TMEM163: variants seen among roughly 807,000 people sequenced by gnomAD.
The protein encoded by TMEM163 is transmembrane protein 163.
TMEM163 carries 17 observed loss-of-function variants against 29.3 expected under a neutral mutation model. The observed-to-expected ratio is 0.58, with a 90% CI of 0.40 to 0.87. The LOEUF is 0.87. Ranked by LOEUF, TMEM163 falls within the 40% of genes least tolerant of loss-of-function variation. The pLI, the probability that TMEM163 is intolerant of heterozygous loss-of-function variation, is 0.00. For missense variants in TMEM163, 303 were observed against 381.5 expected (o/e 0.79, Z 1.71); for synonymous variants, 157 against 160.6 (o/e 0.98, Z 0.17).
chr2:134,718,657 C>A (rs1241100262), intron 1 of TMEM163, 77 bp downstream of exon 1: 1 of 1,057,196 alleles, frequency 9.5e-7, no homozygotes, highest in Non-Finnish European at 1.2e-6. Context: ...CCTCGCCCAG[C>A]GCGGCCCGCG....
chr2:134,457,344 A>G (rs1022320831), intron 7 of TMEM163, among the ~76,000 whole-genome samples: 3 of 152,204 alleles, frequency 2.0e-5, no homozygotes, highest in African/African-American at 7.2e-5. Flanking sequence ...CTCTGCGTCC[A>G]TGGCAGCACC....
chr2:134,597,946 G>A lies in TMEM163; in HGVS notation c.323-45855C>T, dbSNP rs1682126833. Among the ~76,000 whole-genome samples the A allele has an allele frequency of 2.0e-5, 3 of 152,014 alleles. No homozygotes were observed. The South Asian group carries it at 6.3e-4, about 32-fold the overall frequency. On this transcript the variant is annotated intron_variant, in intron 2 of 7. Coordinates refer to ENST00000281924, the MANE Select transcript of TMEM163 (RefSeq NM_030923.5). Reference sequence around the variant, plus strand: ...TCTGATGGTAGTCTGTATTTCTGTGGGATCGGTGGTGATATCCCCTTTATC... The same window carrying A: ...TCTGATGGTAGTCTGTATTTCTGTGAGATCGGTGGTGATATCCCCTTTATC...
At chr2:134,604,286 C>T (rs572153149) in intron 2 of TMEM163, among the ~76,000 whole-genome samples, 18 of 152,022 alleles carry the variant, frequency 1.2e-4, no homozygotes, top group African/African-American at 3.9e-4. Context: ...GTGAGGGGGA[C>T]GGACTAAATT....
At chr2:134,581,377 C>T (rs1035716827) in intron 2 of TMEM163, among the ~76,000 whole-genome samples, 13 of 152,192 alleles carry the variant, frequency 8.5e-5, no homozygotes, top group Admixed American at 7.2e-4. Flanking sequence ...TAAGTGTCTA[C>T]ATGCAAATAG....
At chr2:134,714,572 C>T (rs916644458) in intron 1 of TMEM163, among the ~76,000 whole-genome samples, 33 of 152,190 alleles carry the variant, frequency 2.2e-4, no homozygotes, top group African/African-American at 8.0e-4. Context: ...AATTGAGCAT[C>T]GCTGAACAAG....
At position 134,690,808 on chromosome 2, in the gene TMEM163, C is replaced by T. The variant is rs1004647774; in HGVS notation, c.322+22392G>A. On this transcript the variant is annotated intron_variant, in intron 2 of 7. Transcript: ENST00000281924. ...TGTATAATCACAGTTGTGGCCATTC[C>T]CACCAGTGTAAAGCCTAATACTAGC... Among the ~76,000 whole-genome samples the T allele has an allele frequency of 2.6e-5, 4 of 152,156 alleles. No homozygotes were observed. In the East Asian group the frequency reaches 7.7e-4, roughly 29 times the overall value.
chr2:134,531,066 C>A (rs773536258), intron 4 of TMEM163, among the ~76,000 whole-genome samples: 12 of 152,088 alleles, frequency 7.9e-5, no homozygotes, highest in Non-Finnish European at 1.5e-5. Flanking sequence ...AGTAAGGGGG[C>A]TAACAGTTTT....
chr2:134,596,320 T>C (rs1453027535), intron 2 of TMEM163, among the ~76,000 whole-genome samples: 1 of 152,232 alleles, frequency 6.6e-6, no homozygotes, highest in Admixed American at 6.5e-5. Context: ...CAGTTTCAGC[T>C]TTCTAAGTAT....
intron 5 of TMEM163, among the ~76,000 whole-genome samples, chr2:134,492,834 A>G (rs1310683099): frequency 1.3e-5 from 2 of 152,232 alleles, no homozygotes; most frequent in Non-Finnish European, 2.9e-5. Context: ...TTGTGCAGAC[A>G]TGTATTTTCA....
chr2:134,645,512 G>A (rs1395816972), intron 2 of TMEM163, among the ~76,000 whole-genome samples: 1 of 152,168 alleles, frequency 6.6e-6, no homozygotes, highest in African/African-American at 2.4e-5. Context: ...ACAAGAACCT[G>A]TATGCAAGTA....
intron 4 of TMEM163, among the ~76,000 whole-genome samples, chr2:134,544,527 C>T (rs916055711): frequency 6.6e-6 from 1 of 152,188 alleles, no homozygotes; most frequent in African/African-American, 2.4e-5. Flanking sequence ...ACAGTGGTGG[C>T]TCGTGCCTGT....
chr2:134,481,631 T>C (rs1236792449), intron 5 of TMEM163, among the ~76,000 whole-genome samples: 1 of 152,168 alleles, frequency 6.6e-6, no homozygotes, highest in Non-Finnish European at 1.5e-5. Flanking sequence ...AATGGACTAA[T>C]ATACTAGGCT....
chr2:134,544,064 G>A (rs1252757581), intron 4 of TMEM163, among the ~76,000 whole-genome samples: 1 of 152,112 alleles, frequency 6.6e-6, no homozygotes, highest in Non-Finnish European at 1.5e-5. Flanking sequence ...CTGGGCCTGG[G>A]GACCCTCCAC....
chr2:134,515,788 C>T (rs1272484305), intron 4 of TMEM163, among the ~76,000 whole-genome samples: 1 of 152,026 alleles, frequency 6.6e-6, no homozygotes, highest in Non-Finnish European at 1.5e-5. Flanking sequence ...TGGAAGGAAA[C>T]ACACACTAAA....
At chr2:134,628,831 C>T (rs534928000) in intron 2 of TMEM163, among the ~76,000 whole-genome samples, 1 of 152,278 alleles carries the variant, frequency 6.6e-6, no homozygotes, top group African/African-American at 2.4e-5. Flanking sequence ...TCTTGTGGGT[C>T]CTTCTAACAA....
chr2:134,716,097 T>G (rs555032029), intron 1 of TMEM163, among the ~76,000 whole-genome samples: 1 of 152,304 alleles, frequency 6.6e-6, no homozygotes, highest in Admixed American at 6.5e-5. Context: ...GAAATTTTGT[T>G]AGATGGGGAA....
intron 2 of TMEM163, among the ~76,000 whole-genome samples, chr2:134,689,475 A>T (rs1193797481): frequency 6.6e-6 from 1 of 152,174 alleles, no homozygotes; most frequent in African/African-American, 2.4e-5. Context: ...ATTGGACAGC[A>T]CTGGTCTAGG....
At chr2:134,623,990 G>A (rs1425055506) in intron 2 of TMEM163, among the ~76,000 whole-genome samples, 1 of 152,198 alleles carries the variant, frequency 6.6e-6, no homozygotes, top group Admixed American at 6.5e-5. Flanking sequence ...CACCAGTGAA[G>A]CCACAGAAAC....
chr2:134,465,426 A>G (rs1294991911), intron 6 of TMEM163, among the ~76,000 whole-genome samples: 1 of 152,204 alleles, frequency 6.6e-6, no homozygotes, highest in Non-Finnish European at 1.5e-5. Context: ...GGCTCCGCAC[A>G]TGCCCAGGAA....
Sources: gnomAD v4.1 joint callset for allele counts (sites outside exome capture counted in the v4.1 genomes callset) on GRCh38, gnomAD v4.1.1 for gene constraint, MANE v1.5 for transcripts, NCBI Gene and HGNC (gene_info 2026-07-23, HGNC 2026-07-21) for gene names.